Variants in C6 observed in about 807,000 individuals in gnomAD.
The protein encoded by C6 is complement component C6.
In C6, 101 loss-of-function variants were observed where a neutral mutation model predicts 112.9. The ratio of observed to expected loss-of-function variants is 0.89; its 90% CI spans 0.76 to 1.06. C6 has a LOEUF of 1.06. Ranked by LOEUF, C6 falls within the 50% of genes least tolerant of loss-of-function variation. The pLI, the probability that C6 is intolerant of heterozygous loss-of-function variation, is 0.00. For synonymous variants in C6, 431 were observed against 384.1 expected (o/e 1.12, Z -1.43); for missense variants, 1,202 against 1,104.6 (o/e 1.09, Z -1.25).
upstream of C6, among the ~76,000 whole-genome samples, chr5:41,217,552 G>T (rs1334545101): frequency 6.6e-6 from 1 of 151,978 alleles, no homozygotes. Flanking sequence ...ATAGCAAAAT[G>T]CTCCAAGAAT....
At chr5:41,238,579 G>A (rs368082621) in intron 1 of C6, among the ~76,000 whole-genome samples, 2 of 152,278 alleles carry the variant, frequency 1.3e-5, no homozygotes, top group East Asian at 1.9e-4. Context: ...AGAGACAAAG[G>A]GTTCAGGAAG....
chr5:41,246,563 A>G (rs762185292), intron 1 of C6, among the ~76,000 whole-genome samples: 14 of 152,244 alleles, frequency 9.2e-5, no homozygotes, highest in Non-Finnish European at 2.1e-4. Flanking sequence ...GTGACAGCAC[A>G]GTCATAGGTG....
intron 7 of C6, among the ~76,000 whole-genome samples, chr5:41,177,125 G>T (rs1037278544): frequency 6.6e-6 from 1 of 152,196 alleles, no homozygotes; most frequent in African/African-American, 2.4e-5. Flanking sequence ...CTGAGATGGA[G>T]GTTATGCAAG....
intron 1 of C6, among the ~76,000 whole-genome samples, chr5:41,232,328 A>G (rs1241960260): frequency 6.6e-6 from 1 of 152,086 alleles, no homozygotes; most frequent in Non-Finnish European, 1.5e-5. Context: ...GAAAGCTCTG[A>G]TCTGCTGCTC....
chr5:41,168,801 A>G (rs1043087783), intron 9 of C6, among the ~76,000 whole-genome samples: 1 of 152,102 alleles, frequency 6.6e-6, no homozygotes, highest in African/African-American at 2.4e-5. Flanking sequence ...TTCTATTTTT[A>G]TCTTTTACTT....
At chr5:41,159,773 G>T (rs1395379049) in intron 11 of C6, among the ~76,000 whole-genome samples, 1 of 151,948 alleles carries the variant, frequency 6.6e-6, no homozygotes, top group Non-Finnish European at 1.5e-5. Context: ...ATACATAAGA[G>T]GCTTATAATA....
chr5:41,189,540 G>A (rs560065864), intron 5 of C6, among the ~76,000 whole-genome samples: 19 of 152,058 alleles, frequency 1.2e-4, no homozygotes, highest in East Asian at 7.7e-4. Context: ...TATGGGGTAC[G>A]TAGTGATGTT....
At chr5:41,260,441 CA>C (rs1741976851) in intron 1 of C6, among the ~76,000 whole-genome samples, 1 of 137,720 alleles carries the variant, frequency 7.3e-6, no homozygotes, top group Non-Finnish European at 1.5e-5. Context: ...TAAAAACAAA[CA>C]AATAAACCCC....
rs749068773 is a variant in C6, at chr5:41,142,782, G to A, written c.*43C>T. On this transcript the variant is annotated 3_prime_UTR_variant, in exon 18 of 18. Coordinates refer to ENST00000337836, the MANE Select transcript of C6 (RefSeq NM_000065.5). Reference sequence around the variant, plus strand: ...TCATTTGTAGGAGTTGGTTCTTCGGGATGGTAAATCTGTTCATTGTGCTGG... The same window carrying A: ...TCATTTGTAGGAGTTGGTTCTTCGGAATGGTAAATCTGTTCATTGTGCTGG... 1.3e-6 allele frequency: 2 copies of A among 1,484,488 alleles called. No individual in the cohort carries two copies. Among genetic ancestry groups the A allele is most frequent in the Non-Finnish European group, 1.9e-6 (2 of 1,062,812 alleles). 92.0% of individuals were successfully genotyped at this position (1,484,488 alleles called of 1,614,324 possible).
chr5:41,142,928 C>T lies in C6; in HGVS notation c.2702G>A (p.Gly901Glu), dbSNP rs533503397. The T allele has an allele frequency of 1.9e-6, 3 of 1,613,508 alleles. No individual in the cohort carries two copies. The highest frequency in any genetic ancestry group is 2.2e-5 in the East Asian group (1 of 44,860). The change falls in exon 18 of 18, where the codon GGA (glycine) becomes GAA (glutamate). Residue 901 changes from glycine to glutamate, a missense_variant. Transcript: ENST00000337836. ...GGNQLYCVKM[G>E]SSTSEKTLNI... ...CAATGTTTTCTCACTTGTTGATGAT[C>T]CCATTTTGACACAGTAGAGTTGGTT...
chr5:41,234,350 G>GTTTTTTTTTTTTTTTTT (rs1316483722), intron 1 of C6, among the ~76,000 whole-genome samples: 1 of 127,804 alleles, frequency 7.8e-6, no homozygotes, highest in African/African-American at 3.4e-5. Context: ...TTTTTTTTTT[G>GTTTTTTTTTTTTTTTTT]TTTTTTGTTT....
At position 41,235,118 on chromosome 5, in the gene C6, C is replaced by A. The variant is rs530121654; in HGVS notation, c.-21+26076G>T. Among the ~76,000 whole-genome samples, 3 of 143,048 alleles carry A rather than the reference C, an allele frequency of 2.1e-5. No individual in the cohort carries two copies. In the East Asian group the frequency reaches 6.2e-4, roughly 30 times the overall value. The allele number at this position is 143,048 out of a possible 152,430, so 93.8% of individuals were successfully genotyped here. On this transcript the variant is annotated intron_variant, in intron 1 of 17. Transcript: ENST00000263413. ...TACTTTAAGTTTTAGGGTACATGTG[C>A]ACATTGTGCAGGTTAGTTACATATG...
At chr5:41,206,406 A>G (rs1751438013) in intron 1 of C6, among the ~76,000 whole-genome samples, 1 of 152,248 alleles carries the variant, frequency 6.6e-6, no homozygotes, top group Non-Finnish European at 1.5e-5. Flanking sequence ...GCTTCAGACG[A>G]TTGGTAATAA....
At position 41,161,824 on chromosome 5, in the gene C6, G is replaced by A; in HGVS notation, c.1327C>T (p.Leu443=). The change falls in exon 10 of 18, where the codon CTG becomes TTG. Residue 443 remains leucine, a synonymous_variant. Coordinates refer to ENST00000337836, the MANE Select transcript of C6 (RefSeq NM_000065.5). ...FIQGAEKSIS[L]IRGGRSEYGA... ...TATTCACTCCTTCCACCTCGAATCA[G>A]GGATATGGATTTCTCTGCTCCCTGT... is the stretch of plus-strand genomic sequence containing the variant. 1 of 1,613,616 alleles carries A rather than the reference G, an allele frequency of 6.2e-7. No homozygotes were observed. Among genetic ancestry groups the A allele is most frequent in the African/African-American group, 1.3e-5 (1 of 75,006 alleles).
intron 1 of C6, among the ~76,000 whole-genome samples, chr5:41,207,711 C>A (rs2150380938): frequency 6.6e-6 from 1 of 152,216 alleles, no homozygotes; most frequent in East Asian, 1.9e-4. Flanking sequence ...AATATAGGAG[C>A]ACTCAGATTC....
Position 41,142,854 on chromosome 5 carries a change from T to A in C6, c.2776A>T (p.Ile926Leu), listed in dbSNP as rs1264916111. 2 of 1,613,624 alleles carry A rather than the reference T, an allele frequency of 1.2e-6. No individual in the cohort carries two copies. The highest frequency in any genetic ancestry group is 3.3e-5 in the Admixed American group (2 of 59,920). Residue 926 changes from isoleucine (I) to leucine (L), a missense_variant, in exon 18 of 18, where the codon ATA (isoleucine) becomes TTA (leucine). Coordinates refer to ENST00000337836, the MANE Select transcript of C6 (RefSeq NM_000065.5). Reference sequence around the variant, plus strand: ...GCCAAACACTTTCCAGGATGCAGTATTTCCATCTTCCTGTTTGCACATCTT... The same window carrying A: ...GCCAAACACTTTCCAGGATGCAGTAATTCCATCTTCCTGTTTGCACATCTT... ...TIRCANRKME[I>L]LHPGKCLA
intron 2 of C6, 89 bp from the exon 3 acceptor site, chr5:41,201,803 A>T (rs1451796463): frequency 8.2e-7 from 1 of 1,218,018 alleles, no homozygotes; most frequent in Admixed American, 1.7e-5. Flanking sequence ...CATTAACTAC[A>T]ATAAATAGAA....
At chr5:41,200,012 A>C in intron 3 of C6, 100 bp from the exon 4 acceptor site, 1 of 1,049,344 alleles carries the variant, frequency 9.5e-7, no homozygotes, top group Non-Finnish European at 1.5e-6. Context: ...GATTTTTCCT[A>C]TGGTAATATT....
intron 1 of C6, among the ~76,000 whole-genome samples, chr5:41,239,808 T>C (rs772328499): frequency 1.9e-4 from 29 of 152,196 alleles, no homozygotes; most frequent in Non-Finnish European, 3.1e-4. Flanking sequence ...TGGTGATAAA[T>C]TCCCTCAGTT....
Sources: allele counts gnomAD v4.1 joint callset (sites outside exome capture counted in the v4.1 genomes callset), GRCh38; gene constraint gnomAD v4.1.1; transcripts MANE v1.5; gene names NCBI Gene and HGNC (gene_info 2026-07-23, HGNC 2026-07-21).